MYLK3: variants seen among roughly 807,000 people sequenced by gnomAD.
The protein encoded by MYLK3 is myosin light chain kinase 3.
In MYLK3, 55 loss-of-function variants were observed where a neutral mutation model predicts 76.3. That is an observed-to-expected ratio of 0.72 (90% confidence interval 0.58 to 0.90). The LOEUF is 0.90. MYLK3 is among the 40% of genes least tolerant of loss of function. MYLK3 has a pLI of 0.00. For synonymous variants in MYLK3, 416 were observed against 425.4 expected, an observed-to-expected ratio of 0.98 and a Z score of 0.27; for missense variants, 973 against 1,053.6, an observed-to-expected ratio of 0.92 and a Z score of 1.06.
chr16:46,732,490 G>C lies in MYLK3; in HGVS notation c.1180C>G (p.Pro394Ala). 1 of 1,608,778 alleles carries C rather than the reference G, an allele frequency of 6.2e-7. No homozygotes were observed. Among genetic ancestry groups the C allele is most frequent in the South Asian group, 1.1e-5 (1 of 91,060 alleles). Residue 394 changes from proline to alanine, a missense_variant, in exon 4 of 13, where the codon CCT becomes GCT. By Grantham distance (27) the Pro-to-Ala change is conservative. This residue lies in a region of MYLK3 where 641 missense variants were observed against 637.0 expected (regional missense o/e 1.01). Coordinates refer to ENST00000394809, the MANE Select transcript of MYLK3 (RefSeq NM_182493.3). ...APGTEPGEQT[P>A]EGARELSPLQ... ...GGGGAGAGCTCTCTGGCTCCTTCAGGGGTCTGTTCTCCGGGCTCAGTCCCA... is the reference window on the plus strand; with the variant it reads ...GGGGAGAGCTCTCTGGCTCCTTCAGCGGTCTGTTCTCCGGGCTCAGTCCCA...
rs915280838 is a variant in MYLK3 at position 46,747,990 on chromosome 16, C to T, written c.204G>A (p.Glu68=). Residue 68 remains glutamate, a synonymous_variant, in exon 1 of 13, where the codon GAG becomes GAA. Transcript: ENST00000394809. ...CGCCCGGGCCCGGTGCCCGGGAGGC[C>T]TCCAGCCTGTGCAGGCCCCGCTCCA... The part of the protein sequence containing the change: ...GHLERGLHRL[E]ASRAPGPGGA... 4 of 1,613,482 alleles carry T rather than the reference C, an allele frequency of 2.5e-6. No homozygotes were observed. The highest frequency in any genetic ancestry group is 3.4e-6 in the Non-Finnish European group (4 of 1,179,988).
At chr16:46,745,496 C>A (rs969025591) in intron 1 of MYLK3, among the ~76,000 whole-genome samples, 2 of 152,316 alleles carry the variant, frequency 1.3e-5, no homozygotes, top group South Asian at 4.1e-4. Flanking sequence ...GTAATCCCAG[C>A]ACTTTGGGAG....
chr16:46,731,965 T>A (rs1456110986), intron 4 of MYLK3, among the ~76,000 whole-genome samples: 1 of 151,922 alleles, frequency 6.6e-6, no homozygotes, highest in East Asian at 1.9e-4. Context: ...AAAAAGGAAA[T>A]GTACCCAGGT....
intron 8 of MYLK3, among the ~76,000 whole-genome samples, chr16:46,725,151 A>G (rs1966836427): frequency 1.3e-5 from 2 of 152,216 alleles, no homozygotes; most frequent in Admixed American, 6.5e-5. Context: ...TGTCTTGTAT[A>G]CTGCAACCTT....
At chr16:46,716,093 G>A (rs1015808118) in intron 9 of MYLK3, among the ~76,000 whole-genome samples, 35 of 152,196 alleles carry the variant, frequency 2.3e-4, no homozygotes, top group African/African-American at 7.0e-4. Context: ...CACGGAGTGC[G>A]GTTTCCTGCA....
At chr16:46,760,877 G>A (rs1488024409) in intron 1 of MYLK3, among the ~76,000 whole-genome samples, 1 of 152,180 alleles carries the variant, frequency 6.6e-6, no homozygotes, top group Non-Finnish European at 1.5e-5. Context: ...AGACCCTCAG[G>A]CAGCCGCAGG....
Position 46,747,848 on chromosome 16 carries a change from T to C in MYLK3, c.346A>G (p.Arg116Gly). 1 of 1,614,156 alleles carries C rather than the reference T, an allele frequency of 6.2e-7. No homozygotes were observed. The highest frequency in any genetic ancestry group is 8.5e-7 in the Non-Finnish European group (1 of 1,180,020). Residue 116 changes from arginine to glycine, a missense_variant, in exon 1 of 13, where the codon AGG (arginine) becomes GGG (glycine). Arg to Gly is a moderately radical substitution (Grantham distance 125). This residue lies in a region of MYLK3 where 641 missense variants were observed against 637.0 expected (regional missense o/e 1.01). Coordinates refer to ENST00000394809, the MANE Select transcript of MYLK3 (RefSeq NM_182493.3). ...GCCCTGTCCACCGCAGCCACCATCC[T>C]GAAGAGGGCCTCCAGCCTGGCACCG... is the stretch of plus-strand genomic sequence containing the variant. ...QHGARLEALFRMVAAVDRAIA... is the reference protein window; with the variant it reads ...QHGARLEALFGMVAAVDRAIA...
At chr16:46,739,802 T>G (rs542762395) in intron 2 of MYLK3, among the ~76,000 whole-genome samples, 1 of 152,330 alleles carries the variant, frequency 6.6e-6, no homozygotes, top group East Asian at 1.9e-4. Flanking sequence ...TATACTTGAA[T>G]TTTCAACTGT....
intron 8 of MYLK3, among the ~76,000 whole-genome samples, chr16:46,724,441 G>A (rs1043718519): frequency 5.3e-5 from 8 of 151,988 alleles, no homozygotes; most frequent in South Asian, 2.1e-4. Context: ...TTACATTTAC[G>A]TCTACAATCC....
Position 46,707,670 on chromosome 16 carries a change from A to G in MYLK3, c.*34T>C. The G allele has an allele frequency of 6.6e-7, 1 of 1,525,436 alleles. No homozygotes were observed. The highest frequency in any genetic ancestry group is 9.0e-7 in the Non-Finnish European group (1 of 1,107,982). The allele number at this position is 1,525,436 out of a possible 1,614,324, so 94.5% of individuals were successfully genotyped here. ...CTTCACTTCACCACTGGCCTCAGTA[A>G]TTTCTGGACCCATTGGAGCAGCAGA... On this transcript the variant is annotated 3_prime_UTR_variant, in exon 13 of 13. Coordinates refer to ENST00000394809, the MANE Select transcript of MYLK3 (RefSeq NM_182493.3).
chr16:46,712,354 CT>C (rs1357928509), intron 10 of MYLK3, among the ~76,000 whole-genome samples: 7 of 151,902 alleles, frequency 4.6e-5, no homozygotes, highest in Non-Finnish European at 7.4e-5. Flanking sequence ...AGAAACAGGC[CT>C]TTAGACCTTT....
intron 8 of MYLK3, chr16:46,725,772 G>A (rs1263194111): frequency 1.3e-5 from 2 of 152,186 alleles, no homozygotes; most frequent in African/African-American, 4.8e-5. Context: ...GATAAGATTA[G>A]CCTCATAAAA....
intron 8 of MYLK3, among the ~76,000 whole-genome samples, chr16:46,722,747 T>A (rs906482616): frequency 1.3e-5 from 2 of 152,204 alleles, no homozygotes; most frequent in African/African-American, 4.8e-5. Context: ...TTCACTCTTG[T>A]TGCCCAGGCT....
intron 1 of MYLK3, among the ~76,000 whole-genome samples, chr16:46,756,922 C>T (rs144438996): frequency 0.013 from 2,009 of 152,264 alleles, 41 homozygotes; most frequent in African/African-American, 0.044. Context: ...TGACCGCAGA[C>T]GGTCAGCCCA....
At chr16:46,747,645 C>T in intron 1 of MYLK3, 72 bp downstream of exon 1, 1 of 1,458,558 alleles carries the variant, frequency 6.9e-7, no homozygotes, top group Non-Finnish European at 9.4e-7. Context: ...TCTCCAAACA[C>T]TGGCTGCCTG....
chr16:46,743,564 C>A (rs143369772), intron 1 of MYLK3, among the ~76,000 whole-genome samples: 191 of 152,312 alleles, frequency 1.3e-3, no homozygotes, highest in African/African-American at 4.5e-3. Flanking sequence ...TAAAGACATT[C>A]CTAACATGTT....
intron 9 of MYLK3, among the ~76,000 whole-genome samples, chr16:46,719,470 C>T (rs565549294): frequency 1.3e-5 from 2 of 152,318 alleles, no homozygotes; most frequent in East Asian, 3.9e-4. Flanking sequence ...TAGGGGAAGC[C>T]TTCCCAAATG....
chr16:46,732,141 C>T (rs1966853650), intron 4 of MYLK3, 67 bp downstream of exon 4: 1 of 1,377,236 alleles, frequency 7.3e-7, no homozygotes, highest in Admixed American at 2.5e-5. Flanking sequence ...GAAGACTCCC[C>T]AGGAGTAGGG....
intron 4 of MYLK3, among the ~76,000 whole-genome samples, chr16:46,731,540 G>C (rs1258291289): frequency 6.6e-6 from 1 of 152,176 alleles, no homozygotes; most frequent in Non-Finnish European, 1.5e-5. Context: ...CACTTTGCCT[G>C]CTCTCCAACT....
Sources: gnomAD v4.1 joint callset for allele counts (sites outside exome capture counted in the v4.1 genomes callset) on GRCh38, gnomAD v4.1.1 for gene constraint, gnomAD v4.1.1 regional missense constraint, MANE v1.5 for transcripts, NCBI Gene and HGNC (gene_info 2026-07-23, HGNC 2026-07-21) for gene names.